Variants in FAAH2 observed in about 807,000 individuals in gnomAD.
The protein encoded by FAAH2 is fatty acid amide hydrolase 2, also known as fatty-acid amide hydrolase 2.
FAAH2 carries 60 observed loss-of-function variants against 36.9 expected under a neutral mutation model. That is an observed-to-expected ratio of 1.63 (90% confidence interval 1.32 to 2.02). The LOEUF is 2.02. Among genes scored for constraint, FAAH2 ranks in the 30% most tolerant of loss-of-function variants. FAAH2 has a pLI of 0.00. For synonymous variants in FAAH2, 214 were observed against 143.8 expected (o/e 1.49, Z -3.49); for missense variants, 689 against 397.5 (o/e 1.73, Z -6.23).
At chrX:57,355,457 AT>A (rs1302746859) in intron 5 of FAAH2, among the ~76,000 whole-genome samples, 47 of 110,969 alleles carry the variant, frequency 4.2e-4, no homozygotes, top group Non-Finnish European at 4.0e-4. Context: ...CATTCCATGT[AT>A]TTATGCTTTA....
chrX:57,331,739 C>T lies in FAAH2; in HGVS notation c.554C>T (p.Ser185Phe), dbSNP rs756642235. The T allele has an allele frequency of 1.7e-6, 2 of 1,209,176 alleles. No individual in the cohort carries two copies. Among genetic ancestry groups the T allele is most frequent in the African/African-American group, 1.8e-5 (1 of 56,939 alleles). Residue 185 changes from serine to phenylalanine, a missense_variant, in exon 4 of 11, where the codon TCC becomes TTC. By Grantham distance (155) the Ser-to-Phe change is radical (BLOSUM62 -2). Coordinates refer to ENST00000374900, the MANE Select transcript of FAAH2 (RefSeq NM_174912.4). ...NCSELCMWYESSNKIYGRSNN... is the reference protein window; with the variant it reads ...NCSELCMWYEFSNKIYGRSNN... ...AGTGAGTTGTGTATGTGGTATGAAT[C>T]CAGTAACAAGATCTATGGCCGATCA...
rs769176774 is a variant in FAAH2 at position 57,296,616 on chromosome X, G to A, written c.275+4036G>A. On this transcript the variant is annotated intron_variant, in intron 2 of 10. Transcript: ENST00000374900. ...AAGCTGGATGGAGAATGACTTTCAC[G>A]AGTTCAGAGAAGAAGGCTTCAGATG... 1.4e-4 allele frequency among the ~76,000 whole-genome samples: 16 copies of A among 111,890 alleles called. No homozygotes were observed. In the East Asian group the frequency reaches 3.6e-3, roughly 25 times the overall value.
chrX:57,196,649 G>T, the FAAH2 span, among the ~76,000 whole-genome samples: 193 of 111,517 alleles, frequency 1.7e-3, 2 homozygotes, highest in African/African-American at 6.1e-3. Flanking sequence ...CAGTTTTCAG[G>T]GAAAATATTT....
chrX:57,359,754 C>A (rs755039855), intron 5 of FAAH2, among the ~76,000 whole-genome samples: 146 of 111,152 alleles, frequency 1.3e-3, no homozygotes, highest in African/African-American at 4.5e-3. Context: ...TATCTGTCTG[C>A]GTATTTACCT....
At chrX:57,319,069 A>G (rs994212162) in intron 3 of FAAH2, among the ~76,000 whole-genome samples, 3 of 111,762 alleles carry the variant, frequency 2.7e-5, no homozygotes, top group Non-Finnish European at 5.7e-5. Context: ...ATATCATACT[A>G]AATGGGCAAA....
chrX:57,396,523 T>A (rs2055303784), intron 7 of FAAH2, among the ~76,000 whole-genome samples: 1 of 110,808 alleles, frequency 9.0e-6, no homozygotes. Context: ...GGAGTTTTGG[T>A]ATGTTGTGTC....
At chrX:57,391,203 T>C (rs1227299470) in intron 7 of FAAH2, among the ~76,000 whole-genome samples, 4 of 111,328 alleles carry the variant, frequency 3.6e-5, no homozygotes, top group African/African-American at 1.3e-4. Context: ...TGGTTTCTTG[T>C]AGACTGTGGA....
At chrX:57,296,859 G>A (rs960211143) in intron 2 of FAAH2, among the ~76,000 whole-genome samples, 22 of 111,344 alleles carry the variant, frequency 2.0e-4, no homozygotes, top group Admixed American at 1.2e-3. Flanking sequence ...TACCAGTGAC[G>A]GAAGATCAAA....
chrX:57,425,903 C>T (rs1238574297), intron 7 of FAAH2, among the ~76,000 whole-genome samples: 1 of 111,789 alleles, frequency 8.9e-6, no homozygotes, highest in Non-Finnish European at 1.9e-5. Flanking sequence ...ACACAATTGG[C>T]AGAATAGATG....
Position 57,290,283 on chromosome X carries a change from C to T in FAAH2, c.193-2215C>T, listed in dbSNP as rs546623443. ...AGTTGAAGATCTTTGGGGTTGTATA[C>T]GTTGATGGAGTGACCAGGTACTAGA... On this transcript the variant is annotated intron_variant, in intron 1 of 10. Coordinates refer to ENST00000374900, the MANE Select transcript of FAAH2 (RefSeq NM_174912.4). 6 of 745,352 alleles carry T rather than the reference C, an allele frequency of 8.0e-6. No homozygotes were observed. The South Asian group carries it at 2.1e-4, about 26-fold the overall frequency. The allele number at this position is 745,352 out of a possible 1,213,427, so 61.4% of individuals were successfully genotyped here.
chrX:57,449,945 C>T (rs2056754355), intron 10 of FAAH2, among the ~76,000 whole-genome samples: 2 of 111,807 alleles, frequency 1.8e-5, no homozygotes, highest in South Asian at 7.4e-4. Flanking sequence ...GGATTGCATA[C>T]ATGAGCCACC....
At chrX:57,198,805 T>A in the FAAH2 span, among the ~76,000 whole-genome samples, 36 of 112,265 alleles carry the variant, frequency 3.2e-4, no homozygotes, top group South Asian at 7.1e-3. Flanking sequence ...TCTACTTTTA[T>A]ATTTCACCTG....
At chrX:57,443,405 A>G (rs1172168347) in intron 8 of FAAH2, among the ~76,000 whole-genome samples, 2 of 112,053 alleles carry the variant, frequency 1.8e-5, no homozygotes, top group Non-Finnish European at 3.8e-5. Context: ...CAAATCGGCT[A>G]CTGAAGGTTG....
the FAAH2 span, among the ~76,000 whole-genome samples, chrX:57,179,431 C>G: frequency 2.7e-5 from 3 of 111,868 alleles, no homozygotes; most frequent in South Asian, 1.1e-3. Flanking sequence ...AAGAAAAAAT[C>G]TACCAAACAA....
chrX:57,417,730 G>C (rs1052042286), intron 7 of FAAH2, among the ~76,000 whole-genome samples: 1 of 112,075 alleles, frequency 8.9e-6, no homozygotes. Context: ...TGAGGAGGCA[G>C]TCTGTCTCTT....
At chrX:57,464,542 G>C (rs2057017318) in intron 10 of FAAH2, among the ~76,000 whole-genome samples, 1 of 70,358 alleles carries the variant, frequency 1.4e-5, no homozygotes, top group Non-Finnish European at 3.0e-5. Flanking sequence ...AAAAAAAATT[G>C]ACAAATGAGT....
intron 2 of FAAH2, among the ~76,000 whole-genome samples, chrX:57,306,564 G>A (rs917233373): frequency 1.9e-4 from 20 of 108,000 alleles, no homozygotes; most frequent in African/African-American, 6.7e-4. Flanking sequence ...TCATTTAAGA[G>A]CCCTGCCATT....
chrX:57,222,864 G>T, the FAAH2 span, among the ~76,000 whole-genome samples: 1 of 110,748 alleles, frequency 9.0e-6, no homozygotes, highest in Non-Finnish European at 1.9e-5. Context: ...TTTGTAGATG[G>T]CAGCTCCTTC....
At chrX:57,322,081 C>A (rs984711419) in intron 3 of FAAH2, among the ~76,000 whole-genome samples, 6 of 109,903 alleles carry the variant, frequency 5.5e-5, no homozygotes, top group Non-Finnish European at 1.1e-4. Flanking sequence ...CAGCTCACTG[C>A]AAGCTCTGCC....
Sources: allele counts gnomAD v4.1 joint callset (sites outside exome capture counted in the v4.1 genomes callset), GRCh38; gene constraint gnomAD v4.1.1; transcripts MANE v1.5; gene names NCBI Gene and HGNC (gene_info 2026-07-23, HGNC 2026-07-21).